HMBOX1: variants seen among roughly 807,000 people sequenced by gnomAD.
HMBOX1 encodes homeobox-containing protein 1.
In HMBOX1, 14 loss-of-function variants were observed where a neutral mutation model predicts 54.5. The observed-to-expected ratio is 0.26, with a 90% CI of 0.17 to 0.40. The LOEUF (loss-of-function observed/expected upper bound fraction) is 0.40. Among genes scored for constraint, HMBOX1 ranks in the 10% least tolerant of loss-of-function variants. The pLI, the probability that HMBOX1 is intolerant of heterozygous loss-of-function variation, is 1.00. For synonymous variants in HMBOX1, 160 were observed against 181.0 expected (o/e 0.88, Z 0.93); for missense variants, 332 against 514.4 (o/e 0.65, Z 3.43).
At chr8:28,919,602 C>T (rs534615135) in intron 1 of HMBOX1, among the ~76,000 whole-genome samples, 28 of 152,208 alleles carry the variant, frequency 1.8e-4, no homozygotes, top group Non-Finnish European at 3.5e-4. Flanking sequence ...TTGATTGAAT[C>T]CTCAGATGTA....
rs190825575 is a variant in HMBOX1, at chr8:28,957,298, T to G, written c.-57-6513T>G. ...CTGGACTCCATTATCCTATGTGAAT[T>G]AATGCAGAAACAAAATTAAATACTG... is the stretch of plus-strand genomic sequence containing the variant. On this transcript the variant is annotated intron_variant, in intron 1 of 9. Coordinates refer to ENST00000287701, the MANE Select transcript of HMBOX1 (RefSeq NM_001135726.3). Among the ~76,000 whole-genome samples the G allele has an allele frequency of 1.1e-4, 17 of 152,300 alleles. No individual in the cohort carries two copies. In the East Asian group the frequency reaches 3.1e-3, roughly 28 times the overall value.
Position 28,995,874 on chromosome 8 carries a change from G to A in HMBOX1, c.587-13198G>A, listed in dbSNP as rs191500855. ...TCCCAGCACTTTGGAAGGCCGCGGC[G>A]GGTGGATCACAAGGTCAGGAGATTG... On this transcript the variant is annotated intron_variant, in intron 4 of 9. Coordinates refer to ENST00000287701, the MANE Select transcript of HMBOX1 (RefSeq NM_001135726.3). 6.7e-3 allele frequency among the ~76,000 whole-genome samples: 1,026 copies of A among 152,162 alleles called. 4 individuals are homozygous for A. Among genetic ancestry groups the A allele is most frequent in the Admixed American group, 8.6e-3 (131 of 15,284 alleles).
At chr8:28,928,662 T>C (rs1332103329) in intron 1 of HMBOX1, among the ~76,000 whole-genome samples, 6 of 152,202 alleles carry the variant, frequency 3.9e-5, no homozygotes, top group Admixed American at 6.5e-5. Flanking sequence ...GACACACATA[T>C]GCACAATGCA....
chr8:28,919,484 C>G (rs1384487261), intron 1 of HMBOX1, among the ~76,000 whole-genome samples: 1 of 152,060 alleles, frequency 6.6e-6, no homozygotes, highest in East Asian at 1.9e-4. Context: ...AATATTTGGT[C>G]TATACTTAAT....
At chr8:28,912,863 A>G (rs901711045) in intron 1 of HMBOX1, among the ~76,000 whole-genome samples, 6 of 152,148 alleles carry the variant, frequency 3.9e-5, no homozygotes, top group African/African-American at 7.2e-5. Context: ...GGGTGTTTCA[A>G]AGTCATCTCA....
intron 6 of HMBOX1, among the ~76,000 whole-genome samples, chr8:29,044,698 A>G (rs1185389266): frequency 1.3e-5 from 2 of 152,192 alleles, no homozygotes; most frequent in African/African-American, 4.8e-5. Flanking sequence ...GTATAATACC[A>G]ATATTGAAAA....
In HMBOX1 at chr8:28,956,939, G is replaced by C. The variant is rs540024602; in HGVS notation, c.-57-6872G>C. Among the ~76,000 whole-genome samples, 18 of 152,286 alleles carry C rather than the reference G, an allele frequency of 1.2e-4. No homozygotes were observed. In the South Asian group the frequency reaches 3.7e-3, roughly 32 times the overall value. On this transcript the variant is annotated intron_variant, in intron 1 of 9. Coordinates refer to ENST00000287701, the MANE Select transcript of HMBOX1 (RefSeq NM_001135726.3). ...GAAATGCAAATCAAAACCACAGTGA[G>C]ATACCATCTCACACCAGTCAGAATG...
At chr8:29,024,599 G>C (rs926449474) in intron 6 of HMBOX1, among the ~76,000 whole-genome samples, 11 of 152,100 alleles carry the variant, frequency 7.2e-5, no homozygotes, top group African/African-American at 2.7e-4. Context: ...TATAATATCT[G>C]CCTTCATAAA....
At chr8:28,989,747 G>T (rs1411799672) in intron 4 of HMBOX1, among the ~76,000 whole-genome samples, 1 of 152,164 alleles carries the variant, frequency 6.6e-6, no homozygotes, top group African/African-American at 2.4e-5. Context: ...AAGCACATCT[G>T]TAGTGAGATT....
At chr8:28,946,776 A>G (rs1457106223) in intron 1 of HMBOX1, among the ~76,000 whole-genome samples, 2 of 152,210 alleles carry the variant, frequency 1.3e-5, no homozygotes, top group African/African-American at 2.4e-5. Flanking sequence ...GTAGTTACAT[A>G]TAAATCCATA....
chr8:28,936,142 T>C (rs1820369784), intron 1 of HMBOX1, among the ~76,000 whole-genome samples: 1 of 152,154 alleles, frequency 6.6e-6, no homozygotes, highest in South Asian at 2.1e-4. Flanking sequence ...TTCACAATAC[T>C]AACTGTAATT....
chr8:29,029,746 TACTCATTGA>T (rs945152519), intron 6 of HMBOX1, among the ~76,000 whole-genome samples: 1 of 152,264 alleles, frequency 6.6e-6, no homozygotes, highest in African/African-American at 2.4e-5. Flanking sequence ...AGAATAATTC[TACTCATTGA>T]ACTTCTCAGC....
At chr8:28,980,537 A>C (rs1443787740) in intron 4 of HMBOX1, among the ~76,000 whole-genome samples, 1 of 152,196 alleles carries the variant, frequency 6.6e-6, no homozygotes, top group African/African-American at 2.4e-5. Flanking sequence ...CAGTTAAAAA[A>C]TGATTCATGA....
chr8:28,921,295 C>CA (rs1411188456), intron 1 of HMBOX1, among the ~76,000 whole-genome samples: 1 of 152,232 alleles, frequency 6.6e-6, no homozygotes, highest in Non-Finnish European at 1.5e-5. Flanking sequence ...GAGATCATGC[C>CA]ACCGCACTCC....
chr8:28,970,473 T>G lies in HMBOX1; in HGVS notation c.454T>G (p.Ser152Ala). 1 of 1,612,598 alleles carries G rather than the reference T, an allele frequency of 6.2e-7. No individual in the cohort carries two copies. The highest frequency in any genetic ancestry group is 8.5e-7 in the Non-Finnish European group (1 of 1,179,520). ...TCAGAGGTCATACAGTTTTGAAGCC[T>G]CAGAAGAGGACCTAGATGTAGATGA... ...MGQRSYSFEASEEDLDVDDKV... is the reference protein window; with the variant it reads ...MGQRSYSFEAAEEDLDVDDKV... Residue 152 changes from serine (S) to alanine (A), a missense_variant, in exon 3 of 10, where the codon TCA becomes GCA. Coordinates refer to ENST00000287701, the MANE Select transcript of HMBOX1 (RefSeq NM_001135726.3). The surrounding 1 kb of genome is among the most constrained non-coding windows in gnomAD (Gnocchi z 4.3).
At chr8:28,966,949 G>GGATA (rs1826537765) in intron 2 of HMBOX1, among the ~76,000 whole-genome samples, 1 of 152,174 alleles carries the variant, frequency 6.6e-6, no homozygotes, top group Non-Finnish European at 1.5e-5. Flanking sequence ...AGAAGAGCAG[G>GGATA]GATATATCAG....
At chr8:29,011,480 T>C (rs1834210599) in intron 5 of HMBOX1, among the ~76,000 whole-genome samples, 1 of 152,254 alleles carries the variant, frequency 6.6e-6, no homozygotes, top group Non-Finnish European at 1.5e-5. Flanking sequence ...TGATTGAATC[T>C]GTTATTCTGA....
chr8:28,927,402 G>A (rs2131858648), intron 1 of HMBOX1, among the ~76,000 whole-genome samples: 1 of 152,252 alleles, frequency 6.6e-6, no homozygotes, highest in South Asian at 2.1e-4. Flanking sequence ...TTGGTTCATG[G>A]TTCTGCAGGC....
At chr8:28,993,691 A>G (rs1831328920) in intron 4 of HMBOX1, among the ~76,000 whole-genome samples, 1 of 152,214 alleles carries the variant, frequency 6.6e-6, no homozygotes, top group South Asian at 2.1e-4. Flanking sequence ...AAAAACAAAT[A>G]TTATGTCACA....
Sources: allele counts gnomAD v4.1 joint callset (sites outside exome capture counted in the v4.1 genomes callset), GRCh38; gene constraint gnomAD v4.1.1; non-coding constraint Gnocchi (gnomAD v3.1); transcripts MANE v1.5; gene names NCBI Gene and HGNC (gene_info 2026-07-23, HGNC 2026-07-21).